Variants in PCBP3 observed in about 807,000 individuals in gnomAD.
PCBP3 encodes the protein poly(rC) binding protein 3.
A neutral mutation model predicts 52.7 loss-of-function variants in PCBP3; 25 were observed. That is an observed-to-expected ratio of 0.47 (90% CI 0.35 to 0.66). The LOEUF (loss-of-function observed/expected upper bound fraction) is 0.66, where lower values mean the gene tolerates loss of function less well. Ranked by LOEUF, PCBP3 falls within the 30% of genes least tolerant of loss-of-function variation. The pLI is 0.01. For missense variants in PCBP3, 391 were observed against 490.3 expected, an observed-to-expected ratio of 0.80 and a Z score of 1.91; for synonymous variants, 162 against 183.0, an observed-to-expected ratio of 0.89 and a Z score of 0.93.
chr21:45,917,430 G>T lies in PCBP3; in HGVS notation c.676-158G>T. 1.6e-6 allele frequency: 1 copy of T among 624,188 alleles called. No homozygotes were observed. Among genetic ancestry groups the T allele is most frequent in the Non-Finnish European group, 2.8e-6 (1 of 351,952 alleles). 38.7% of individuals were successfully genotyped at this position (624,188 alleles called of 1,614,324 possible). A position where few individuals can be genotyped will look rare whatever the true frequency, so the allele number is the denominator to read the frequency against. On this transcript the variant is annotated intron_variant, in intron 12 of 17. Transcript: ENST00000681687. The surrounding 1 kb of genome is among the most constrained non-coding windows in gnomAD (Gnocchi z 5.3). Reference sequence around the variant, plus strand: ...GCTCCCCTGGGGCTCCTGGTGCCCTGGGAGGGTTGGCCCTTTGTCCTAGGA... The same window carrying T: ...GCTCCCCTGGGGCTCCTGGTGCCCTTGGAGGGTTGGCCCTTTGTCCTAGGA...
At position 45,917,492 on chromosome 21, in the gene PCBP3, C is replaced by T; in HGVS notation, c.676-96C>T. 1.1e-6 allele frequency: 1 copy of T among 928,692 alleles called. No individual in the cohort carries two copies. Among genetic ancestry groups the T allele is most frequent in the South Asian group, 1.4e-5 (1 of 73,542 alleles). The allele number at this position is 928,692 out of a possible 1,614,324, so 57.5% of individuals were successfully genotyped here. ...GGAGAGGCACACGAGGGGGAAGCTT[C>T]TACCGGAGGGTCCTTGTCATGCTGG... On this transcript the variant is annotated intron_variant, in intron 12 of 17. Coordinates refer to ENST00000681687, the MANE Select transcript of PCBP3 (RefSeq NM_001384156.1). The surrounding 1 kb of genome is among the most constrained non-coding windows in gnomAD (Gnocchi z 5.3).
At chr21:45,903,528 G>A (rs1366206878) in intron 9 of PCBP3, among the ~76,000 whole-genome samples, 1 of 152,086 alleles carries the variant, frequency 6.6e-6, no homozygotes, top group Admixed American at 6.5e-5. Flanking sequence ...TGGGCGGTGT[G>A]TCCAGTGGTC....
intron 4 of PCBP3, among the ~76,000 whole-genome samples, chr21:45,841,149 TCACC>T (rs1183847198): frequency 6.6e-6 from 1 of 152,170 alleles, no homozygotes. Context: ...AGTGATGAAA[TCACC>T]TAAAAGTGCA....
intron 7 of PCBP3, among the ~76,000 whole-genome samples, chr21:45,900,150 G>T (rs2095990635): frequency 6.6e-6 from 1 of 152,238 alleles, no homozygotes; most frequent in East Asian, 1.9e-4. Flanking sequence ...GTCCCACCAT[G>T]GGGGCGCCTC....
intron 3 of PCBP3, among the ~76,000 whole-genome samples, chr21:45,746,204 A>G (rs1320411467): frequency 7.9e-6 from 1 of 126,636 alleles, no homozygotes; most frequent in Non-Finnish European, 1.6e-5. Context: ...GTGTCAGTCC[A>G]TTGACGTAGC....
At chr21:45,740,234 C>G (rs758729673) in intron 3 of PCBP3, among the ~76,000 whole-genome samples, 2 of 152,216 alleles carry the variant, frequency 1.3e-5, no homozygotes, top group Non-Finnish European at 2.9e-5. Flanking sequence ...TAGCTCAGGA[C>G]AAGCCCACCC....
rs983397663 is a variant in PCBP3, at chr21:45,788,333, T to C, written c.-126+32881T>C. 7 of 152,422 alleles carry C rather than the reference T, an allele frequency of 4.6e-5. No homozygotes were observed. The highest frequency in any genetic ancestry group is 1.4e-4 in the African/African-American group (6 of 41,430). 9.4% of individuals were successfully genotyped at this position (152,422 alleles called of 1,614,324 possible). On this transcript the variant is annotated intron_variant, in intron 4 of 17. Transcript: ENST00000681687. This position sits in a 1 kb window ranked among gnomAD's most constrained non-coding sequence, Gnocchi z 4.3. ...TGTCACCCTCGGGGAGCAGGTGGGCTGGCAGGACAGGCGGCCCCAGGCCGG... is the reference window on the plus strand; with the variant it reads ...TGTCACCCTCGGGGAGCAGGTGGGCCGGCAGGACAGGCGGCCCCAGGCCGG...
At chr21:45,921,717 G>A (rs2074465725) in intron 13 of PCBP3, among the ~76,000 whole-genome samples, 1 of 152,170 alleles carries the variant, frequency 6.6e-6, no homozygotes. Flanking sequence ...TACCCGGGAG[G>A]CTGAGGCGAG....
chr21:45,769,269 T>C (rs2089648016), intron 4 of PCBP3, among the ~76,000 whole-genome samples: 1 of 152,230 alleles, frequency 6.6e-6, no homozygotes, highest in African/African-American at 2.4e-5. Flanking sequence ...GTTATTTGAA[T>C]TGAGTGTACA....
chr21:45,644,082 C>G (rs958875079), intron 1 of PCBP3, among the ~76,000 whole-genome samples: 1 of 150,302 alleles, frequency 6.7e-6, no homozygotes, highest in African/African-American at 2.4e-5. Context: ...CGCGCTCCCT[C>G]AAGGTGCGGT....
intron 2 of PCBP3, among the ~76,000 whole-genome samples, chr21:45,722,069 A>G (rs935650468): frequency 6.6e-6 from 1 of 152,254 alleles, no homozygotes; most frequent in East Asian, 1.9e-4. Flanking sequence ...TCACTACAGC[A>G]GTAATTTAAA....
intron 4 of PCBP3, among the ~76,000 whole-genome samples, chr21:45,809,859 G>A (rs1432142325): frequency 6.6e-6 from 1 of 152,206 alleles, no homozygotes; most frequent in East Asian, 1.9e-4. Context: ...ACATCCTCTT[G>A]AGAGTGAGTG....
chr21:45,894,852 G>A (rs1344821187), intron 5 of PCBP3, among the ~76,000 whole-genome samples: 1 of 152,202 alleles, frequency 6.6e-6, no homozygotes, highest in African/African-American at 2.4e-5. Context: ...TAAATGCAAC[G>A]TGAAAATCCT....
chr21:45,890,184 G>A lies in PCBP3; in HGVS notation c.11-6024G>A, dbSNP rs1435571992. Among the ~76,000 whole-genome samples, 4 of 152,266 alleles carry A rather than the reference G, an allele frequency of 2.6e-5. No homozygotes were observed. The East Asian group carries it at 7.7e-4, about 29-fold the overall frequency. On this transcript the variant is annotated intron_variant, in intron 5 of 17. Coordinates refer to ENST00000681687, the MANE Select transcript of PCBP3 (RefSeq NM_001384156.1). ...CATGAGGCCAGCATGAGAGCATGGGGAGGGGTTCTGCCTGGCCACACCCTG... is the reference window on the plus strand; with the variant it reads ...CATGAGGCCAGCATGAGAGCATGGGAAGGGGTTCTGCCTGGCCACACCCTG...
intron 10 of PCBP3, among the ~76,000 whole-genome samples, chr21:45,910,267 T>C (rs545175994): frequency 8.0e-6 from 1 of 125,142 alleles, no homozygotes; most frequent in African/African-American, 3.1e-5. Flanking sequence ...CTATGGATCC[T>C]GCCCACCCAC....
In PCBP3 at chr21:45,708,647, TA is replaced by T. The variant is rs554245602; in HGVS notation, c.-199-26744del. On this transcript the variant is annotated intron_variant, in intron 2 of 17. Coordinates refer to ENST00000681687, the MANE Select transcript of PCBP3 (RefSeq NM_001384156.1). Reference sequence around the variant, plus strand: ...ATAGAAAAAGAAAAGCTAGCAACCGTAGCTTGCAGCAGGGGTGGGAGTTAAT... The same window carrying T: ...ATAGAAAAAGAAAAGCTAGCAACCGTGCTTGCAGCAGGGGTGGGAGTTAAT... Among the ~76,000 whole-genome samples the T allele has an allele frequency of 1.1e-4, 17 of 152,326 alleles. No homozygotes were observed. The East Asian group carries it at 3.3e-3, about 29-fold the overall frequency.
intron 4 of PCBP3, among the ~76,000 whole-genome samples, chr21:45,840,112 G>A (rs570269629): frequency 6.6e-6 from 1 of 152,086 alleles, no homozygotes; most frequent in South Asian, 2.1e-4. Flanking sequence ...GTGTGTGTGT[G>A]TTTTAAGCTA....
At chr21:45,721,874 C>T (rs1337587148) in intron 2 of PCBP3, among the ~76,000 whole-genome samples, 1 of 152,196 alleles carries the variant, frequency 6.6e-6, no homozygotes, top group African/African-American at 2.4e-5. Flanking sequence ...CAAGAAATCA[C>T]AGAAACTGGA....
chr21:45,918,102 A>G, intron 13 of PCBP3: 1 of 250,594 alleles, frequency 4.0e-6, no homozygotes, highest in East Asian at 1.1e-4. Context: ...CATAGGGTCC[A>G]TCTACACACA....
Sources: gnomAD v4.1 joint callset for allele counts (sites outside exome capture counted in the v4.1 genomes callset) on GRCh38, gnomAD v4.1.1 for gene constraint, Gnocchi (gnomAD v3.1) non-coding constraint, MANE v1.5 for transcripts, NCBI Gene and HGNC (gene_info 2026-07-23, HGNC 2026-07-21) for gene names.